GTF2IRD1: variants seen among roughly 807,000 people sequenced by gnomAD.
GTF2IRD1 encodes the protein GTF2I repeat domain containing 1.
In GTF2IRD1, 26 loss-of-function variants were observed where a neutral mutation model predicts 113.2. The ratio of observed to expected loss-of-function variants is 0.23; its 90% CI spans 0.17 to 0.32. The LOEUF (loss-of-function observed/expected upper bound fraction) is 0.32, where lower values mean the gene tolerates loss of function less well. GTF2IRD1 is among the 10% of genes least tolerant of loss of function. GTF2IRD1 has a pLI of 1.00. For missense variants in GTF2IRD1, 864 were observed against 1,280.8 expected (o/e 0.67, Z 4.97); for synonymous variants, 484 against 529.1 (o/e 0.91, Z 1.17).
intron 14 of GTF2IRD1, among the ~76,000 whole-genome samples, chr7:74,542,920 A>C (rs1554352179): frequency 6.6e-6 from 1 of 152,236 alleles, no homozygotes; most frequent in African/African-American, 2.4e-5. Context: ...AGCAAGGCTC[A>C]TCCACCTCCC....
At chr7:74,466,752 G>A (rs576122274) in intron 1 of GTF2IRD1, among the ~76,000 whole-genome samples, 30 of 152,114 alleles carry the variant, frequency 2.0e-4, no homozygotes, top group African/African-American at 6.5e-4. Context: ...AATTGCCCTC[G>A]TGCTTGTCTG....
chr7:74,530,432 G>A (rs1797891986), intron 9 of GTF2IRD1, among the ~76,000 whole-genome samples: 1 of 151,704 alleles, frequency 6.6e-6, no homozygotes, highest in Non-Finnish European at 1.5e-5. Flanking sequence ...TTCCTTCTGG[G>A]CCTTTTGAGG....
At chr7:74,553,469 G>C (rs1357288657) in intron 17 of GTF2IRD1, among the ~76,000 whole-genome samples, 12 of 151,944 alleles carry the variant, frequency 7.9e-5, no homozygotes, top group Non-Finnish European at 4.4e-5. Context: ...TACATTTTTT[G>C]TAGAGAAGGG....
chr7:74,482,183 T>G (rs1794777880), intron 1 of GTF2IRD1, among the ~76,000 whole-genome samples: 1 of 151,676 alleles, frequency 6.6e-6, no homozygotes, highest in African/African-American at 2.4e-5. Flanking sequence ...TTTTTTTCTG[T>G]CATCTGACTG....
In GTF2IRD1 at chr7:74,512,784, G is replaced by T; in HGVS notation, c.124-46G>T. ...CCCGAAGTGGATACTAGAGGTGTTC[G>T]GAGTATGGGGAGCCCTTCCGCTCAC... On this transcript the variant is annotated intron_variant, in intron 2 of 26. Coordinates refer to ENST00000424337, the MANE Select transcript of GTF2IRD1 (RefSeq NM_005685.4). This position sits in a 1 kb window ranked among gnomAD's most constrained non-coding sequence, Gnocchi z 4.4. 6.3e-7 allele frequency: 1 copy of T among 1,597,004 alleles called. No individual in the cohort carries two copies. Among genetic ancestry groups the T allele is most frequent in the South Asian group, 1.1e-5 (1 of 90,072 alleles).
chr7:74,521,791 T>C (rs1797316736), intron 7 of GTF2IRD1, among the ~76,000 whole-genome samples: 1 of 152,010 alleles, frequency 6.6e-6, no homozygotes, highest in Non-Finnish European at 1.5e-5. Context: ...ATAAAATAAA[T>C]AACCCCAAAA....
intron 14 of GTF2IRD1, among the ~76,000 whole-genome samples, chr7:74,540,390 C>T (rs1248075336): frequency 2.6e-5 from 4 of 152,088 alleles, no homozygotes; most frequent in Non-Finnish European, 5.9e-5. Flanking sequence ...AGGTGATCCA[C>T]CTGCCTCAGC....
chr7:74,526,320 C>T (rs1352714075), intron 8 of GTF2IRD1, among the ~76,000 whole-genome samples: 7 of 152,102 alleles, frequency 4.6e-5, no homozygotes, highest in African/African-American at 1.2e-4. Flanking sequence ...TGGGGAGCTG[C>T]GTGGGGGAGA....
intron 1 of GTF2IRD1, among the ~76,000 whole-genome samples, chr7:74,478,271 G>C (rs1554333908): frequency 6.6e-6 from 1 of 152,184 alleles, no homozygotes; most frequent in Admixed American, 6.5e-5. Context: ...GCAGCTCGGC[G>C]GGTGATGTCA....
At chr7:74,552,948 C>T (rs148558791) in intron 17 of GTF2IRD1, among the ~76,000 whole-genome samples, 306 of 152,248 alleles carry the variant, frequency 2.0e-3, no homozygotes, top group African/African-American at 6.7e-3. Flanking sequence ...AGCGATTCCC[C>T]GGCCTCAGCC....
chr7:74,480,609 G>T (rs1794681859), intron 1 of GTF2IRD1, among the ~76,000 whole-genome samples: 1 of 152,038 alleles, frequency 6.6e-6, no homozygotes, highest in Non-Finnish European at 1.5e-5. Flanking sequence ...GCCCCTGCCC[G>T]CCTGCCAGGA....
At chr7:74,511,319 C>T (rs1453188514) in intron 2 of GTF2IRD1, among the ~76,000 whole-genome samples, 1 of 152,156 alleles carries the variant, frequency 6.6e-6, no homozygotes, top group African/African-American at 2.4e-5. Context: ...TCGTCACCCG[C>T]CCCCAATCTC....
At chr7:74,565,277 C>T (rs1800228469) in intron 22 of GTF2IRD1, among the ~76,000 whole-genome samples, 1 of 152,198 alleles carries the variant, frequency 6.6e-6, no homozygotes, top group Non-Finnish European at 1.5e-5. Flanking sequence ...GTAATCCCAG[C>T]ACTTTGGGAG....
intron 1 of GTF2IRD1, among the ~76,000 whole-genome samples, chr7:74,457,981 C>T (rs1470209748): frequency 6.6e-6 from 1 of 150,574 alleles, no homozygotes; most frequent in African/African-American, 2.4e-5. Context: ...TGGGTTCAAG[C>T]GATTCTCCTG....
intron 1 of GTF2IRD1, among the ~76,000 whole-genome samples, chr7:74,492,221 A>G (rs1487157291): frequency 2.9e-5 from 4 of 140,098 alleles, no homozygotes; most frequent in Admixed American, 7.6e-5. Context: ...CCCAGGCTGG[A>G]GTTCAGTGGC....
rs147439639 is a variant in GTF2IRD1, at chr7:74,510,802, A to G, written c.124-2028A>G. 4.3e-3 allele frequency among the ~76,000 whole-genome samples: 653 copies of G among 151,672 alleles called. 10 individuals carry two copies. The highest frequency in any genetic ancestry group is 3.1e-3 in the Non-Finnish European group (213 of 67,930). ...AATGGCTCACGCATATAATCCCAGC[A>G]CCCTGAGAGGCTGAGTGGGGCAGAT... On this transcript the variant is annotated intron_variant, in intron 2 of 26. Coordinates refer to ENST00000424337, the MANE Select transcript of GTF2IRD1 (RefSeq NM_005685.4).
chr7:74,474,423 C>T (rs1209456306), intron 1 of GTF2IRD1, among the ~76,000 whole-genome samples: 1 of 152,186 alleles, frequency 6.6e-6, no homozygotes, highest in Non-Finnish European at 1.5e-5. Flanking sequence ...GGGAGAGCCA[C>T]TCCCATCTTG....
intron 22 of GTF2IRD1, among the ~76,000 whole-genome samples, chr7:74,561,975 C>T (rs187429117): frequency 2.4e-4 from 37 of 152,230 alleles, no homozygotes; most frequent in African/African-American, 8.2e-4. Flanking sequence ...ATGGACCTGC[C>T]AGCCCCTTTC....
intron 17 of GTF2IRD1, among the ~76,000 whole-genome samples, chr7:74,549,193 A>T (rs1213346395): frequency 4.6e-5 from 7 of 151,458 alleles, no homozygotes; most frequent in South Asian, 4.2e-4. Flanking sequence ...TCTCCCTGTC[A>T]TCAGGAGACT....
Sources: gnomAD v4.1 joint callset for allele counts (sites outside exome capture counted in the v4.1 genomes callset) on GRCh38, gnomAD v4.1.1 for gene constraint, Gnocchi (gnomAD v3.1) non-coding constraint, MANE v1.5 for transcripts, NCBI Gene and HGNC (gene_info 2026-07-23, HGNC 2026-07-21) for gene names.